Variants in GNLY observed in about 807,000 individuals in gnomAD.
GNLY encodes T-cell activation protein 519.
GNLY carries 15 observed loss-of-function variants against 18.5 expected under a neutral mutation model. The observed-to-expected ratio is 0.81, with a 90% CI of 0.54 to 1.25. The LOEUF (loss-of-function observed/expected upper bound fraction) is 1.25, where lower values mean the gene tolerates loss of function less well. GNLY is among the 50% of genes most tolerant of loss of function. The probability of loss-of-function intolerance (pLI) is 0.00; values close to 1 mark genes in which losing one functional copy is unlikely to be tolerated. For missense variants in GNLY, 178 were observed against 186.9 expected (o/e 0.95, Z 0.28); for synonymous variants, 77 against 74.9 (o/e 1.03, Z -0.14).
intron 1 of GNLY, 56 bp from the exon 2 acceptor site, chr2:85,695,264 G>C (rs111926772): frequency 3.1e-6 from 4 of 1,275,596 alleles, no homozygotes; most frequent in Non-Finnish European, 4.6e-6. Context: ...CCAGGAGAAC[G>C]GGCTTTCCCT....
intron 4 of GNLY, 40 bp downstream of exon 4, chr2:85,697,717 T>C: frequency 1.4e-6 from 2 of 1,406,440 alleles, no homozygotes; most frequent in Non-Finnish European, 2.0e-6. Context: ...TCCTGAGGGT[T>C]GGAGACAGCT....
Position 85,697,643 on chromosome 2 carries a change from CTG to C in GNLY, c.396_397del (p.Cys132Ter). On this transcript the variant is annotated frameshift_variant, in exon 4 of 5. Transcript: ENST00000263863. LOFTEE classifies it high-confidence loss of function. ...TGGCCGGAGAAACTGCCCAGCAGAT[CTG>C]TGAGGACCTCAGGTTGTGTATACCT... is the stretch of plus-strand genomic sequence containing the variant. ...LVAGETAQQI[C>X]EDLRLCIPST... is the part of the protein sequence containing the mutation. 1 of 1,613,568 alleles carries C rather than the reference CTG, an allele frequency of 6.2e-7. No homozygotes were observed. The highest frequency in any genetic ancestry group is 8.5e-7 in the Non-Finnish European group (1 of 1,179,466).
In GNLY at chr2:85,698,731, T is replaced by A; in HGVS notation, c.*157T>A. 6.5e-7 allele frequency: 1 copy of A among 1,548,292 alleles called. No homozygotes were observed. Among genetic ancestry groups the A allele is most frequent in the South Asian group, 1.2e-5 (1 of 85,610 alleles). On this transcript the variant is annotated 3_prime_UTR_variant, in exon 5 of 5. Coordinates refer to ENST00000263863, the MANE Select transcript of GNLY (RefSeq NM_006433.5). The stretch of plus-strand genomic sequence containing the variant: ...CTGCTGTCCTCCCCTCTCACGAGAA[T>A]AAAGTGTCAAGCAAGATTTTAGCCG...
At chr2:85,694,653 C>G in intron 1 of GNLY, 183 bp downstream of exon 1, 9 of 1,132,678 alleles carry the variant, frequency 7.9e-6, no homozygotes, top group South Asian at 4.7e-5. Flanking sequence ...GCTGCCCAGC[C>G]TGTCACTGGC....
intron 3 of GNLY, chr2:85,696,384 T>G: frequency 3.6e-6 from 1 of 279,382 alleles, no homozygotes; most frequent in Middle Eastern, 1.2e-3. Flanking sequence ...GAGAAGCTAG[T>G]TCCCCAAGAG....
intron 1 of GNLY, chr2:85,694,689 G>T: frequency 7.4e-7 from 1 of 1,355,330 alleles, no homozygotes; most frequent in East Asian, 2.5e-5. Flanking sequence ...AGACAGGCCA[G>T]GGATTCTGGT....
rs373300388 is a variant in GNLY, at chr2:85,697,544, G to A, written c.294G>A (p.Thr98=). 32 of 1,612,910 alleles carry A rather than the reference G, an allele frequency of 2.0e-5. No homozygotes were observed. Among genetic ancestry groups the A allele is most frequent in the Admixed American group, 3.3e-5 (2 of 60,008 alleles). Reference sequence around the variant, plus strand: ...ATGCTGCGACCCGGGTGTGTAGGACGGGGAGGTCACGATGGCGCGACGTCT... The same window carrying A: ...ATGCTGCGACCCGGGTGTGTAGGACAGGGAGGTCACGATGGCGCGACGTCT... ...VSNAATRVCR[T]GRSRWRDVCR... is the part of the protein sequence containing the mutation. Residue 98 remains threonine, a synonymous_variant, in exon 4 of 5, where the codon ACG becomes ACA. Transcript: ENST00000263863.
At chr2:85,694,592 C>A in intron 1 of GNLY, 122 bp downstream of exon 1, 1 of 1,037,530 alleles carries the variant, frequency 9.6e-7, no homozygotes, top group Non-Finnish European at 1.4e-6. Flanking sequence ...CCGGCCTTCT[C>A]CCCCGTCATG....
intron 1 of GNLY, 145 bp downstream of exon 1, chr2:85,694,615 C>T: frequency 1.0e-6 from 1 of 985,606 alleles, no homozygotes; most frequent in African/African-American, 1.6e-5. Flanking sequence ...GGCCTGGCCT[C>T]CCCTCAGAGC....
Position 85,695,375 on chromosome 2 carries a change from G to T in GNLY, c.108G>T (p.Leu36=). The T allele has an allele frequency of 6.2e-7, 1 of 1,614,026 alleles. No individual in the cohort carries two copies. Among genetic ancestry groups the T allele is most frequent in the Non-Finnish European group, 8.5e-7 (1 of 1,179,828 alleles). ...ACTACGACCTGGCAAGAGCCCACCT[G>T]CGTGATGAGGAGAAATCCTGCCCGT... The part of the protein sequence containing the change: ...PEYYDLARAH[L]RDEEKSCPCL... Residue 36 remains leucine, a synonymous_variant, in exon 2 of 5, where the codon CTG becomes CTT. Coordinates refer to ENST00000263863, the MANE Select transcript of GNLY (RefSeq NM_006433.5).
At position 85,698,665 on chromosome 2, in the gene GNLY, G is replaced by A. The variant is rs764240710; in HGVS notation, c.*91G>A. The A allele has an allele frequency of 6.2e-7, 1 of 1,609,150 alleles. No homozygotes were observed. Among genetic ancestry groups the A allele is most frequent in the Non-Finnish European group, 8.5e-7 (1 of 1,178,898 alleles). ...ACCTCTGCCGGCTCCTCGCTTCCTC[G>A]ATCCAGAATCCACTCTCCAGTCTCC... On this transcript the variant is annotated 3_prime_UTR_variant, in exon 5 of 5. Transcript: ENST00000263863.
chr2:85,696,558 G>C (rs1373643117), intron 3 of GNLY: 2 of 138,020 alleles, frequency 1.4e-5, no homozygotes, highest in Non-Finnish European at 3.1e-5. Flanking sequence ...TTTTTTCCTT[G>C]AGATAGGATC....
chr2:85,697,713 G>C, intron 4 of GNLY, 36 bp downstream of exon 4: 1 of 1,473,868 alleles, frequency 6.8e-7, no homozygotes, highest in South Asian at 1.1e-5. Flanking sequence ...TACCTCCTGA[G>C]GGTTGGAGAC....
rs538662249 is a variant in GNLY, at chr2:85,694,782, C to T, written c.52+312C>T. The T allele has an allele frequency of 2.8e-6, 4 of 1,446,974 alleles. No individual in the cohort carries two copies. In the Admixed American group the frequency reaches 1.1e-4, roughly 40 times the overall value. 89.6% of individuals were successfully genotyped at this position (1,446,974 alleles called of 1,614,324 possible). On this transcript the variant is annotated intron_variant, in intron 1 of 4. Transcript: ENST00000263863. ...TGCCTCCGCATCTGCGTGGTGAAGGCCATTGGCCCTCATCGGTGGATCTGC... is the reference window on the plus strand; with the variant it reads ...TGCCTCCGCATCTGCGTGGTGAAGGTCATTGGCCCTCATCGGTGGATCTGC...
chr2:85,694,508 C>T (rs1371704841), intron 1 of GNLY, 38 bp downstream of exon 1: 2 of 1,589,474 alleles, frequency 1.3e-6, no homozygotes, highest in South Asian at 1.1e-5. Flanking sequence ...TGATGGCCCA[C>T]CCAGCCTCGC....
rs141473710 is a variant in GNLY, at chr2:85,698,763, C to T, written c.*189C>T. The T allele has an allele frequency of 1.6e-3, 2,396 of 1,517,404 alleles. 35 individuals are homozygous for T. In the South Asian group the frequency reaches 0.022, roughly 14 times the overall value. The allele number at this position is 1,517,404 out of a possible 1,614,324, so 94.0% of individuals were successfully genotyped here. The stretch of plus-strand genomic sequence containing the variant: ...TCAAGCAAGATTTTAGCCGCAGCTG[C>T]TTCTTCTTTGGTGGATTTGAGGGGT... On this transcript the variant is annotated 3_prime_UTR_variant, in exon 5 of 5. Transcript: ENST00000263863.
chr2:85,696,014 G>A lies in GNLY; in HGVS notation c.213G>A (p.Thr71=), dbSNP rs143603515. The part of the protein sequence containing the change: ...ELGRDYRTCL[T]IVQKLKKMVD... ...GCCGTGACTACAGGACCTGTCTGAC[G>A]ATAGTCCAAAAACTGAAGAAGATGG... Residue 71 remains threonine, a synonymous_variant, in exon 3 of 5, where the codon ACG becomes ACA. Coordinates refer to ENST00000263863, the MANE Select transcript of GNLY (RefSeq NM_006433.5). The A allele has an allele frequency of 5.3e-5, 85 of 1,612,034 alleles. 1 individual carries two copies. The African/African-American group carries it at 1.0e-3, about 19-fold the overall frequency.
Position 85,697,575 on chromosome 2 carries a change from A to C in GNLY, c.325A>C (p.Asn109His), listed in dbSNP as rs781385623. Residue 109 changes from asparagine to histidine, a missense_variant, in exon 4 of 5, where the codon AAT becomes CAT. Coordinates refer to ENST00000263863, the MANE Select transcript of GNLY (RefSeq NM_006433.5). ...GTCACGATGGCGCGACGTCTGCAGA[A>C]ATTTCATGAGGAGGTATCAGTCTAG... is the stretch of plus-strand genomic sequence containing the variant. The part of the protein sequence containing the change: ...GRSRWRDVCR[N>H]FMRRYQSRVT... 4 of 1,613,570 alleles carry C rather than the reference A, an allele frequency of 2.5e-6. No individual in the cohort carries two copies. The highest frequency in any genetic ancestry group is 2.5e-6 in the Non-Finnish European group (3 of 1,179,736).
At chr2:85,698,456 A>T (rs1440791809) in intron 4 of GNLY, 108 bp from the exon 5 acceptor site, 2 of 1,597,568 alleles carry the variant, frequency 1.3e-6, no homozygotes, top group Non-Finnish European at 8.5e-7. Context: ...GGGTGTGTTC[A>T]GTAGGGTCAG....
Sources: allele counts gnomAD v4.1 joint callset, GRCh38; gene constraint gnomAD v4.1.1; transcripts MANE v1.5; gene names NCBI Gene and HGNC (gene_info 2026-07-23, HGNC 2026-07-21).